Variants in SART1 observed in about 807,000 individuals in gnomAD.
SART1 encodes spliceosome associated factor 1, recruiter of U4/U6.U5 tri-snRNP, also known as U4/U6.U5 tri-snRNP-associated protein 1.
A neutral mutation model predicts 105.0 loss-of-function variants in SART1; 28 were observed. That is an observed-to-expected ratio of 0.27 (90% CI 0.20 to 0.37). The LOEUF is 0.37. SART1 is among the 10% of genes least tolerant of loss of function. The pLI is 1.00. For missense variants in SART1, 894 were observed against 1,106.5 expected (o/e 0.81, Z 2.72); for synonymous variants, 472 against 462.9 (o/e 1.02, Z -0.25).
rs776510670 is a variant in SART1, at chr11:65,966,336, C to T, written c.982-14C>T. ...AGCCAGCCTGGGTCCCAACCTGTACCTCTTGCCTTGCAGCAAAAACCTCGC... is the reference window on the plus strand; with the variant it reads ...AGCCAGCCTGGGTCCCAACCTGTACTTCTTGCCTTGCAGCAAAAACCTCGC... On this transcript the variant is annotated splice_polypyrimidine_tract_variant and intron_variant, in intron 8 of 19. Coordinates refer to ENST00000312397, the MANE Select transcript of SART1 (RefSeq NM_005146.5). 15 of 1,613,904 alleles carry T rather than the reference C, an allele frequency of 9.3e-6. No individual in the cohort carries two copies. Among genetic ancestry groups the T allele is most frequent in the African/African-American group, 1.3e-5 (1 of 74,934 alleles).
At chr11:65,962,121 C>CGGGGGGGGGGGGG in intron 1 of SART1, 28 bp downstream of exon 1, 3 of 21,742 alleles carry the variant, frequency 1.4e-4, no homozygotes, top group South Asian at 3.2e-4. Flanking sequence ...GCGCAGGGGG[C>CGGGGGGGGGGGGG]GGGTCGGGCG....
chr11:65,962,488 C>T (rs1283621959), intron 1 of SART1, among the ~76,000 whole-genome samples: 6 of 152,210 alleles, frequency 3.9e-5, no homozygotes, highest in Non-Finnish European at 7.3e-5. Flanking sequence ...TCAGCATATA[C>T]AGAGGCAAGA....
chr11:65,976,796 T>A lies in SART1; in HGVS notation c.1857+30T>A. 1 of 1,547,526 alleles carries A rather than the reference T, an allele frequency of 6.5e-7. No individual in the cohort carries two copies. Among genetic ancestry groups the A allele is most frequent in the Non-Finnish European group, 8.8e-7 (1 of 1,137,290 alleles). On this transcript the variant is annotated intron_variant, in intron 14 of 19. Transcript: ENST00000312397. This position sits in a 1 kb window ranked among gnomAD's most constrained non-coding sequence, Gnocchi z 5.1. ...GGGCCGCGCCGCTGGGGGGTGGGCG[T>A]TTGGGGGTGCTCAAGCTGGAGATGA...
In SART1 at chr11:65,977,758, G is replaced by C. The variant is rs1328494125; in HGVS notation, c.2037-6G>C. 6.2e-7 allele frequency: 1 copy of C among 1,614,006 alleles called. No individual in the cohort carries two copies. Among genetic ancestry groups the C allele is most frequent in the Non-Finnish European group, 8.5e-7 (1 of 1,179,994 alleles). ...TCACACTAAGGCCTCCTCTGTCTCG[G>C]GCCAGGGCCATCGATGACAAGTACA... On this transcript the variant is annotated splice_polypyrimidine_tract_variant and splice_region_variant and intron_variant, in intron 16 of 19. Coordinates refer to ENST00000312397, the MANE Select transcript of SART1 (RefSeq NM_005146.5).
Position 65,967,276 on chromosome 11 carries a change from C to G in SART1, c.1206C>G (p.Thr402=). ...CCCTTAAGGTGACCTTTAAAAAGAC[C>G]AAGCGGAGGGTGAAGAAAATCCGCA... is the stretch of plus-strand genomic sequence containing the variant. The part of the protein sequence containing the change: ...TPEEMVTFKK[T]KRRVKKIRKK... The change falls in exon 10 of 20, where the codon ACC becomes ACG. Residue 402 remains threonine (T), a synonymous_variant. Transcript: ENST00000312397. The G allele has an allele frequency of 6.2e-7, 1 of 1,614,046 alleles. No homozygotes were observed. Among genetic ancestry groups the G allele is most frequent in the Non-Finnish European group, 8.5e-7 (1 of 1,179,982 alleles).
Position 65,966,099 on chromosome 11 carries a change from G to A in SART1, c.862G>A (p.Val288Met), listed in dbSNP as rs185539698. The A allele has an allele frequency of 6.8e-6, 11 of 1,613,990 alleles. No individual in the cohort carries two copies. The highest frequency in any genetic ancestry group is 1.7e-5 in the Admixed American group (1 of 60,026). ...AGGCGTGCTGCAGGAGGAGGAGGACGTGCTGGTGAACGTGAACCTGGTGGA... is the reference window on the plus strand; with the variant it reads ...AGGCGTGCTGCAGGAGGAGGAGGACATGCTGGTGAACGTGAACCTGGTGGA... Reference protein sequence around the residue: ...DKGVLQEEEDVLVNVNLVDKE... With the variant: ...DKGVLQEEEDMLVNVNLVDKE... The change falls in exon 8 of 20, where the codon GTG (valine) becomes ATG (methionine). Residue 288 changes from valine to methionine, a missense_variant. Val to Met is a conservative substitution (Grantham distance 21). Coordinates refer to ENST00000312397, the MANE Select transcript of SART1 (RefSeq NM_005146.5).
chr11:65,964,930 C>G, intron 3 of SART1, 162 bp from the exon 4 acceptor site: 1 of 925,768 alleles, frequency 1.1e-6, no homozygotes. Context: ...ATGGGTTGGC[C>G]AGGAGTGTGG....
At chr11:65,974,651 C>G (rs947672438) in intron 12 of SART1, among the ~76,000 whole-genome samples, 1 of 152,070 alleles carries the variant, frequency 6.6e-6, no homozygotes, top group African/African-American at 2.4e-5. Context: ...TGCACTCCAG[C>G]ATGGGTGATA....
intron 12 of SART1, among the ~76,000 whole-genome samples, chr11:65,974,629 A>G (rs558667215): frequency 2.8e-4 from 43 of 152,130 alleles, no homozygotes; most frequent in African/African-American, 8.2e-4. Flanking sequence ...CAGTGAGCCT[A>G]TATCGCCCCA....
Position 65,967,454 on chromosome 11 carries a change from A to G in SART1, c.1314-17A>G, listed in dbSNP as rs1157148893. On this transcript the variant is annotated splice_polypyrimidine_tract_variant and intron_variant, in intron 10 of 19. Coordinates refer to ENST00000312397, the MANE Select transcript of SART1 (RefSeq NM_005146.5). Reference sequence around the variant, plus strand: ...GCCTGGGGACCGGTGCTCACCAGAGAGGCCTCCTTCCCTCAGACTGCGGGG... The same window carrying G: ...GCCTGGGGACCGGTGCTCACCAGAGGGGCCTCCTTCCCTCAGACTGCGGGG... 1.9e-6 allele frequency: 3 copies of G among 1,613,496 alleles called. No individual in the cohort carries two copies. Among genetic ancestry groups the G allele is most frequent in the Admixed American group, 3.3e-5 (2 of 60,002 alleles).
At chr11:65,977,964 C>A in intron 17 of SART1, 65 bp downstream of exon 17, 1 of 1,539,924 alleles carries the variant, frequency 6.5e-7, no homozygotes, top group Non-Finnish European at 8.8e-7. Flanking sequence ...CAGGGCCATG[C>A]AATGCCCCGG....
At chr11:65,969,484 C>T (rs868142579) in intron 12 of SART1, among the ~76,000 whole-genome samples, 24 of 152,280 alleles carry the variant, frequency 1.6e-4, no homozygotes, top group Middle Eastern at 6.8e-3. Context: ...AGGTCTCGCT[C>T]GGTTGCCCAG....
chr11:65,967,911 G>A, intron 12 of SART1, 90 bp downstream of exon 12: 1 of 1,011,308 alleles, frequency 9.9e-7, no homozygotes, highest in Non-Finnish European at 1.4e-6. Flanking sequence ...ATTCCTGTCT[G>A]AAGCCTCTTT....
rs765544283 is a variant in SART1, at chr11:65,976,475, C to A, written c.1653C>A (p.Ile551=). Reference sequence around the variant, plus strand: ...AGGATCCCGAGCGGAAGGGGGCCATCGTGTTCAACGCCACGTCCGAGTTCT... The same window carrying A: ...AGGATCCCGAGCGGAAGGGGGCCATAGTGTTCAACGCCACGTCCGAGTTCT... ...EDEDPERKGA[I]VFNATSEFCR... is the part of the protein sequence containing the mutation. Residue 551 remains isoleucine, a synonymous_variant, in exon 13 of 20, where the codon ATC becomes ATA. Transcript: ENST00000312397. This position sits in a 1 kb window ranked among gnomAD's most constrained non-coding sequence, Gnocchi z 5.1. 1.3e-6 allele frequency: 2 copies of A among 1,574,926 alleles called. No individual in the cohort carries two copies. The highest frequency in any genetic ancestry group is 1.8e-5 in the Admixed American group (1 of 54,374).
chr11:65,963,768 C>T (rs890982876), intron 1 of SART1, among the ~76,000 whole-genome samples: 1 of 152,168 alleles, frequency 6.6e-6, no homozygotes, highest in African/African-American at 2.4e-5. Context: ...GCATGACCCA[C>T]CATACCCGGC....
At chr11:65,973,061 C>G (rs1054780641) in intron 12 of SART1, among the ~76,000 whole-genome samples, 9 of 151,980 alleles carry the variant, frequency 5.9e-5, no homozygotes, top group Admixed American at 5.9e-4. Context: ...GTAGTCCCAG[C>G]TACTAGGGAG....
chr11:65,966,192 G>A lies in SART1; in HGVS notation c.955G>A (p.Asp319Asn). Residue 319 changes from aspartate to asparagine, a missense_variant, in exon 8 of 20, where the codon GAC (aspartate) becomes AAC (asparagine). Physicochemically the swap from Asp to Asn is conservative, Grantham distance 23 (BLOSUM62 1). This residue lies in a region of SART1 where 712 missense variants were observed against 778.2 expected (regional missense o/e 0.91). Coordinates refer to ENST00000312397, the MANE Select transcript of SART1 (RefSeq NM_005146.5). ...KKPDYLPYAEDESVDDLAQQK... is the reference protein window; with the variant it reads ...KKPDYLPYAENESVDDLAQQK... The stretch of plus-strand genomic sequence containing the variant: ...GCCTGACTACCTGCCCTATGCCGAG[G>A]ACGAGAGCGTGGACGACCTGGCGCA... The A allele has an allele frequency of 6.2e-7, 1 of 1,614,050 alleles. No individual in the cohort carries two copies.
chr11:65,974,714 G>GT, intron 12 of SART1, among the ~76,000 whole-genome samples: 1 of 151,924 alleles, frequency 6.6e-6, no homozygotes, highest in East Asian at 1.9e-4. Flanking sequence ...GATATACCTC[G>GT]TTTTATGTTT....
At chr11:65,977,973 G>C (rs867831015) in intron 17 of SART1, 74 bp downstream of exon 17, 4 of 1,503,146 alleles carry the variant, frequency 2.7e-6, no homozygotes, top group Non-Finnish European at 3.6e-6. Context: ...GCAATGCCCC[G>C]GGCCATGCAA....
Sources: gnomAD v4.1 joint callset for allele counts (sites outside exome capture counted in the v4.1 genomes callset) on GRCh38, gnomAD v4.1.1 for gene constraint, gnomAD v4.1.1 regional missense constraint, Gnocchi (gnomAD v3.1) non-coding constraint, MANE v1.5 for transcripts, NCBI Gene and HGNC (gene_info 2026-07-23, HGNC 2026-07-21) for gene names.